The following TPRG1 variants were observed in gnomAD, a reference collection of about 807,000 sequenced individuals.
TPRG1 encodes tumor protein p63 regulated 1, also known as tumor protein p63-regulated gene 1 protein.
Under a neutral mutation model 29.3 loss-of-function variants are expected in TPRG1, and 29 were observed. The ratio of observed to expected loss-of-function variants is 0.99; its 90% CI spans 0.74 to 1.35. TPRG1 has a LOEUF of 1.35. Among genes scored for constraint, TPRG1 ranks in the 40% most tolerant of loss-of-function variants. TPRG1 has a pLI of 0.00. For missense variants in TPRG1, 327 were observed against 335.0 expected, an observed-to-expected ratio of 0.98 and a Z score of 0.19; for synonymous variants, 130 against 116.8, an observed-to-expected ratio of 1.11 and a Z score of -0.73.
intron 5 of TPRG1, among the ~76,000 whole-genome samples, chr3:189,157,648 G>A (rs1185074168): frequency 1.3e-5 from 2 of 152,194 alleles, no homozygotes; most frequent in Non-Finnish European, 2.9e-5. Context: ...TGTTAAGGGA[G>A]CGTAGCAAGC....
At chr3:189,038,804 A>G (rs969169604) in intron 4 of TPRG1, among the ~76,000 whole-genome samples, 14 of 152,276 alleles carry the variant, frequency 9.2e-5, no homozygotes, top group African/African-American at 3.4e-4. Flanking sequence ...CAAAAAAAAA[A>G]AAAAAATGAA....
intron 1 of TPRG1, among the ~76,000 whole-genome samples, chr3:189,195,733 G>A (rs1281272100): frequency 1.3e-5 from 2 of 152,038 alleles, no homozygotes; most frequent in Non-Finnish European, 2.9e-5. Flanking sequence ...GGTGTTGATG[G>A]GGATTCCTAG....
At chr3:189,011,248 C>CT (rs1238883233) in intron 3 of TPRG1, among the ~76,000 whole-genome samples, 18 of 152,074 alleles carry the variant, frequency 1.2e-4, no homozygotes, top group Non-Finnish European at 2.6e-4. Flanking sequence ...CTAATCGGCT[C>CT]TTTTTTTGTT....
chr3:189,274,508 C>T (rs973553376), intron 4 of TPRG1, among the ~76,000 whole-genome samples: 7 of 152,026 alleles, frequency 4.6e-5, no homozygotes, highest in Non-Finnish European at 8.8e-5. Flanking sequence ...GGTGACTTCC[C>T]TGATTTTTGG....
At chr3:189,290,618 ATGAAGGAAAAAGTCTC>A (rs1718838620) in intron 4 of TPRG1, among the ~76,000 whole-genome samples, 2 of 152,246 alleles carry the variant, frequency 1.3e-5, no homozygotes, top group African/African-American at 4.8e-5. Flanking sequence ...ATAACATTTT[ATGAAGGAAAAAGTCTC>A]TGAATGTTTC....
At position 189,184,013 on chromosome 3, in the gene TPRG1, G is replaced by C. The variant is rs966435519; in HGVS notation, c.-10+11882G>C. Among the ~76,000 whole-genome samples the C allele has an allele frequency of 2.0e-5, 3 of 152,100 alleles. 1 individual carries two copies. Among genetic ancestry groups the C allele is most frequent in the Admixed American group, 6.6e-5 (1 of 15,244 alleles). On this transcript the variant is annotated intron_variant, in intron 1 of 5. Coordinates refer to ENST00000345063, the MANE Select transcript of TPRG1 (RefSeq NM_198485.4). ...ATGTTTAGAGATTGCAGTAAAGACA[G>C]GTGTAAGAAATTATAAAAGTATTAA...
chr3:189,237,664 T>C (rs746743180), intron 3 of TPRG1, among the ~76,000 whole-genome samples: 6 of 152,054 alleles, frequency 3.9e-5, no homozygotes, highest in Non-Finnish European at 8.8e-5. Flanking sequence ...GAACCTAAAA[T>C]CAAGGGGATG....
At chr3:189,038,697 G>T (rs1248743186) in intron 4 of TPRG1, among the ~76,000 whole-genome samples, 1 of 151,816 alleles carries the variant, frequency 6.6e-6, no homozygotes, top group Admixed American at 6.6e-5. Context: ...GAGACAGACT[G>T]GGGGAAGATA....
intron 4 of TPRG1, among the ~76,000 whole-genome samples, chr3:189,061,950 G>C (rs1361095082): frequency 6.6e-6 from 1 of 152,086 alleles, no homozygotes; most frequent in South Asian, 2.1e-4. Context: ...ACACCTAGAG[G>C]AATATAAATC....
intron 5 of TPRG1, among the ~76,000 whole-genome samples, chr3:189,164,344 T>G (rs1204671480): frequency 6.6e-6 from 1 of 152,070 alleles, no homozygotes; most frequent in African/African-American, 2.4e-5. Flanking sequence ...TGTATTTTTG[T>G]AGAGACGGGG....
chr3:189,001,885 T>A (rs1346282448), intron 2 of TPRG1, among the ~76,000 whole-genome samples: 1 of 152,216 alleles, frequency 6.6e-6, no homozygotes, highest in Non-Finnish European at 1.5e-5. Context: ...GCATTATATG[T>A]GTGTGTTGCT....
At chr3:189,071,682 C>T (rs1324771657) in intron 4 of TPRG1, among the ~76,000 whole-genome samples, 1 of 152,222 alleles carries the variant, frequency 6.6e-6, no homozygotes, top group African/African-American at 2.4e-5. Flanking sequence ...CACCTTTCAG[C>T]ATATCATTAG....
At chr3:189,057,749 C>CATATATAT (rs370520919) in intron 4 of TPRG1, among the ~76,000 whole-genome samples, 15 of 141,852 alleles carry the variant, frequency 1.1e-4, no homozygotes, top group African/African-American at 3.9e-4. Flanking sequence ...TATATATATA[C>CATATATAT]ATATATATAT....
upstream of TPRG1, among the ~76,000 whole-genome samples, chr3:189,096,160 T>C (rs1031312808): frequency 6.6e-6 from 1 of 152,238 alleles, no homozygotes; most frequent in African/African-American, 2.4e-5. Flanking sequence ...ATACCACACC[T>C]CAGTTGCATC....
At chr3:189,003,332 C>T (rs1712124505) in intron 2 of TPRG1, among the ~76,000 whole-genome samples, 1 of 152,134 alleles carries the variant, frequency 6.6e-6, no homozygotes, top group Non-Finnish European at 1.5e-5. Flanking sequence ...TACAGCACTT[C>T]CAACCAATAA....
At chr3:189,138,344 A>T (rs1377881181) in intron 3 of TPRG1, among the ~76,000 whole-genome samples, 4 of 152,226 alleles carry the variant, frequency 2.6e-5, no homozygotes, top group African/African-American at 9.6e-5. Context: ...AATGAGATAA[A>T]GTCAATGATT....
At chr3:189,013,914 T>G (rs1024545132) in intron 3 of TPRG1, among the ~76,000 whole-genome samples, 1 of 152,186 alleles carries the variant, frequency 6.6e-6, no homozygotes, top group Non-Finnish European at 1.5e-5. Context: ...GTGAAATGGA[T>G]CTCTTGAAGA....
At chr3:189,235,917 GTTGA>G (rs1215447416) in intron 3 of TPRG1, among the ~76,000 whole-genome samples, 1 of 152,184 alleles carries the variant, frequency 6.6e-6, no homozygotes, top group Non-Finnish European at 1.5e-5. Flanking sequence ...AAAGGACAAT[GTTGA>G]TATTCAAGGA....
In TPRG1 at chr3:189,265,873, C is replaced by T. The variant is rs548225804; in HGVS notation, c.479+26964C>T. On this transcript the variant is annotated intron_variant, in intron 4 of 5. Transcript: ENST00000345063. ...CTGCCTTCCACTCCTGTACTGTTCA[C>T]ATTTGGCCTTCTTCTACCAAGACAA... 6.6e-5 allele frequency among the ~76,000 whole-genome samples: 10 copies of T among 152,296 alleles called. No individual in the cohort carries two copies. In the South Asian group the frequency reaches 1.7e-3, roughly 25 times the overall value.
Sources: allele counts gnomAD v4.1 joint callset (sites outside exome capture counted in the v4.1 genomes callset), GRCh38; gene constraint gnomAD v4.1.1; transcripts MANE v1.5; gene names NCBI Gene and HGNC (gene_info 2026-07-23, HGNC 2026-07-21).